Variants in ITGAV observed in about 807,000 individuals in gnomAD.
The protein encoded by ITGAV is integrin alpha-V.
A neutral mutation model predicts 143.8 loss-of-function variants in ITGAV; 76 were observed. The observed-to-expected ratio is 0.53, with a 90% confidence interval of 0.44 to 0.64. ITGAV has a LOEUF of 0.64. Among genes scored for constraint, ITGAV ranks in the 30% least tolerant of loss-of-function variants. ITGAV has a pLI of 0.00. For synonymous variants in ITGAV, 453 were observed against 446.7 expected (o/e 1.01, Z -0.18); for missense variants, 1,193 against 1,274.7 (o/e 0.94, Z 0.98).
At position 186,660,982 on chromosome 2, in the gene ITGAV, A is replaced by C. The variant is rs541381136; in HGVS notation, c.1857+1807A>C. On this transcript the variant is annotated intron_variant, in intron 18 of 29. Coordinates refer to ENST00000261023, the MANE Select transcript of ITGAV (RefSeq NM_002210.5). Reference sequence around the variant, plus strand: ...CCCACCTTAAAGACGTTTTAACTTAATAACTTCTTGAAAGACCATATTGCC... The same window carrying C: ...CCCACCTTAAAGACGTTTTAACTTACTAACTTCTTGAAAGACCATATTGCC... Among the ~76,000 whole-genome samples the C allele has an allele frequency of 2.0e-4, 31 of 152,332 alleles. 1 individual carries two copies. The highest frequency in any genetic ancestry group is 7.5e-4 in the African/African-American group (31 of 41,572).
intron 4 of ITGAV, among the ~76,000 whole-genome samples, chr2:186,627,559 A>G (rs1687707505): frequency 6.6e-6 from 1 of 152,198 alleles, no homozygotes; most frequent in Non-Finnish European, 1.5e-5. Context: ...CAGAAATTAT[A>G]AAGTCATTTA....
chr2:186,665,801 A>C (rs1688882023), intron 21 of ITGAV, among the ~76,000 whole-genome samples: 1 of 152,228 alleles, frequency 6.6e-6, no homozygotes, highest in Non-Finnish European at 1.5e-5. Context: ...AATAGAATTT[A>C]TTTAATGACT....
In ITGAV at chr2:186,630,769, G is replaced by A. The variant is rs776794726; in HGVS notation, c.524-28G>A. The A allele has an allele frequency of 7.1e-6, 9 of 1,276,062 alleles. No homozygotes were observed. In the African/African-American group the frequency reaches 1.3e-4, roughly 19 times the overall value. The allele number at this position is 1,276,062 out of a possible 1,614,324, so 79.0% of individuals were successfully genotyped here. On this transcript the variant is annotated intron_variant, in intron 4 of 29. Transcript: ENST00000261023. ...TTTTGTGTTGTTTGTTTTTGGGTTT[G>A]TGTATATTTCCAATCTTTTTATTTT...
At chr2:186,658,760 G>A (rs973640671) in intron 17 of ITGAV, among the ~76,000 whole-genome samples, 1 of 151,128 alleles carries the variant, frequency 6.6e-6, no homozygotes, top group Non-Finnish European at 1.5e-5. Context: ...TTATTATGTT[G>A]GGTGTGTGTG....
At chr2:186,648,241 G>A (rs61762240) in intron 13 of ITGAV, among the ~76,000 whole-genome samples, 1 of 152,064 alleles carries the variant, frequency 6.6e-6, no homozygotes, top group Non-Finnish European at 1.5e-5. Flanking sequence ...GAATCACTGT[G>A]TCAAGTGTGT....
intron 1 of ITGAV, chr2:186,600,468 G>C: frequency 1.3e-6 from 2 of 1,506,976 alleles, no homozygotes; most frequent in South Asian, 1.2e-5. Flanking sequence ...TCCTTAGAGA[G>C]ACTTTCCTTT....
intron 2 of ITGAV, among the ~76,000 whole-genome samples, chr2:186,620,378 A>G (rs1428142205): frequency 2.0e-5 from 3 of 152,184 alleles, no homozygotes; most frequent in African/African-American, 7.2e-5. Context: ...TCCGGGCAAG[A>G]GGACCTTGGA....
intron 26 of ITGAV, among the ~76,000 whole-genome samples, chr2:186,674,192 T>C (rs190170952): frequency 5.9e-5 from 9 of 152,296 alleles, no homozygotes; most frequent in African/African-American, 2.2e-4. Context: ...CCTAGGCTGG[T>C]CTTGAACTAC....
intron 5 of ITGAV, among the ~76,000 whole-genome samples, chr2:186,631,809 G>T (rs943025372): frequency 6.6e-6 from 1 of 152,170 alleles, no homozygotes; most frequent in Admixed American, 6.5e-5. Context: ...GAGGTAGGAG[G>T]ATCACTGTAG....
intron 5 of ITGAV, among the ~76,000 whole-genome samples, chr2:186,632,770 C>A (rs1375011454): frequency 6.6e-6 from 1 of 151,800 alleles, no homozygotes; most frequent in African/African-American, 2.4e-5. Flanking sequence ...TTAAGAAGTG[C>A]CTTAAAAAAA....
At chr2:186,596,089 A>T (rs2105646942) in intron 1 of ITGAV, among the ~76,000 whole-genome samples, 1 of 152,356 alleles carries the variant, frequency 6.6e-6, no homozygotes, top group African/African-American at 2.4e-5. Flanking sequence ...GATGATAATT[A>T]AATCCCATCA....
chr2:186,590,205 C>A lies in ITGAV; in HGVS notation c.-134C>A. 1.4e-6 allele frequency: 1 copy of A among 724,272 alleles called. No individual in the cohort carries two copies. The highest frequency in any genetic ancestry group is 2.0e-6 in the Non-Finnish European group (1 of 501,618). The allele number at this position is 724,272 out of a possible 1,614,324, so 44.9% of individuals were successfully genotyped here. On this transcript the variant is annotated 5_prime_UTR_variant, in exon 1 of 30. Transcript: ENST00000261023. ...CCCTCTTGCCTGCCCCGGAGCTGTC[C>A]CGGGCTAGCCGAGAAGAGAGCGGCC...
intron 17 of ITGAV, 68 bp downstream of exon 17, chr2:186,656,469 T>G (rs1688590412): frequency 2.6e-6 from 3 of 1,168,032 alleles, no homozygotes; most frequent in Admixed American, 3.0e-5. Context: ...TAAATGATTT[T>G]CACTTTCTGT....
At chr2:186,668,192 A>ATATATATATG (rs1688955772) in intron 24 of ITGAV, among the ~76,000 whole-genome samples, 1 of 9,810 alleles carries the variant, frequency 1.0e-4, no homozygotes, top group South Asian at 7.4e-3. Flanking sequence ...ATACATATAT[A>ATATATATATG]TATATATATA....
intron 10 of ITGAV, among the ~76,000 whole-genome samples, chr2:186,638,897 C>CT (rs757207733): frequency 0.06 from 7,891 of 130,686 alleles, 654 homozygotes; most frequent in African/African-American, 0.19. Context: ...TTTTTGTTTC[C>CT]TTTTTTTTTT....
chr2:186,628,497 A>T (rs1687735742), intron 4 of ITGAV, among the ~76,000 whole-genome samples: 1 of 152,068 alleles, frequency 6.6e-6, no homozygotes. Context: ...AGAAGAGCAT[A>T]AAAAACAACC....
At chr2:186,656,652 A>G (rs1688595881) in intron 17 of ITGAV, among the ~76,000 whole-genome samples, 1 of 152,170 alleles carries the variant, frequency 6.6e-6, no homozygotes, top group Non-Finnish European at 1.5e-5. Context: ...CTTAAATGCA[A>G]CTGAACTTTC....
chr2:186,649,869 C>CTCGGTGGTCTCTGTAT lies in ITGAV; in HGVS notation c.1381_1382insTCGGTGGTCTCTGTAT (p.Arg461LeufsTer23). The CTCGGTGGTCTCTGTAT allele has an allele frequency of 6.4e-7, 1 of 1,568,662 alleles. No homozygotes were observed. The highest frequency in any genetic ancestry group is 1.2e-5 in the South Asian group (1 of 86,562). ...AATTGTAGGAGCTTTTGGTGTAGAT[C>CTCGGTGGTCTCTGTAT]GAGCTATCTTATACAGGTGAGCATT... On this transcript the variant is annotated frameshift_variant, in exon 14 of 30. Coordinates refer to ENST00000261023, the MANE Select transcript of ITGAV (RefSeq NM_002210.5). LOFTEE classifies it high-confidence loss of function.
At chr2:186,659,963 T>C (rs1559064207) in intron 18 of ITGAV, among the ~76,000 whole-genome samples, 2 of 152,042 alleles carry the variant, frequency 1.3e-5, no homozygotes, top group Non-Finnish European at 2.9e-5. Context: ...ACCATACTTC[T>C]GTGTTTATAT....
Sources: gnomAD v4.1 joint callset for allele counts (sites outside exome capture counted in the v4.1 genomes callset) on GRCh38, gnomAD v4.1.1 for gene constraint, MANE v1.5 for transcripts, NCBI Gene and HGNC (gene_info 2026-07-23, HGNC 2026-07-21) for gene names.